The following LPP variants were observed in gnomAD, a reference collection of about 807,000 sequenced individuals.
LPP encodes lipoma-preferred partner.
Under a neutral mutation model 60.4 loss-of-function variants are expected in LPP, and 38 were observed. That is an observed-to-expected ratio of 0.63 (90% CI 0.49 to 0.83). LPP has a LOEUF of 0.83. Among genes scored for constraint, LPP ranks in the 40% least tolerant of loss-of-function variants. The probability of loss-of-function intolerance (pLI) is 0.00; values close to 1 mark genes in which losing one functional copy is unlikely to be tolerated. For missense variants in LPP, 902 were observed against 783.6 expected, an observed-to-expected ratio of 1.15 and a Z score of -1.80; for synonymous variants, 328 against 290.8, an observed-to-expected ratio of 1.13 and a Z score of -1.30.
chr3:188,389,356 G>A (rs976149248), intron 3 of LPP, among the ~76,000 whole-genome samples: 1 of 152,160 alleles, frequency 6.6e-6, no homozygotes, highest in African/African-American at 2.4e-5. Flanking sequence ...CAAGGGCCTG[G>A]GACTTGACTT....
At chr3:188,786,382 C>CAAAAAAAAAAA (rs57565042) in intron 9 of LPP, among the ~76,000 whole-genome samples, 27 of 76,642 alleles carry the variant, frequency 3.5e-4, no homozygotes, top group African/African-American at 1.2e-3. Context: ...GACTCCGTCT[C>CAAAAAAAAAAA]AAAAAAAAAA....
At chr3:188,509,650 C>A (rs1356626142) in intron 5 of LPP, among the ~76,000 whole-genome samples, 2 of 33,166 alleles carry the variant, frequency 6.0e-5, no homozygotes, top group African/African-American at 2.2e-4. Context: ...TCCTTCCTTC[C>A]TTCCTTCCTT....
intron 2 of LPP, among the ~76,000 whole-genome samples, chr3:188,229,001 C>G (rs1292561141): frequency 6.6e-6 from 1 of 152,214 alleles, no homozygotes; most frequent in Non-Finnish European, 1.5e-5. Context: ...GAACATTAGA[C>G]ATGCTCAGCG....
At chr3:188,704,148 A>G (rs1432672037) in intron 7 of LPP, among the ~76,000 whole-genome samples, 1 of 152,162 alleles carries the variant, frequency 6.6e-6, no homozygotes, top group Non-Finnish European at 1.5e-5. Context: ...GAGACAGGTG[A>G]CACCATATTT....
chr3:188,511,340 T>C (rs1815592314), intron 5 of LPP, among the ~76,000 whole-genome samples: 1 of 136,454 alleles, frequency 7.3e-6, no homozygotes, highest in South Asian at 2.8e-4. Context: ...CTCCCTCCCT[T>C]GTCCCTCTTG....
intron 2 of LPP, among the ~76,000 whole-genome samples, chr3:188,267,059 C>T (rs1161490264): frequency 6.6e-6 from 1 of 152,166 alleles, no homozygotes; most frequent in Non-Finnish European, 1.5e-5. Flanking sequence ...AGTCCCTCCT[C>T]CAAGCAGGAA....
rs1294068214 is a variant in LPP, at chr3:188,178,213, G to T, written c.-190+23961G>T. Among the ~76,000 whole-genome samples the T allele has an allele frequency of 4.6e-5, 7 of 152,260 alleles. No homozygotes were observed. The East Asian group carries it at 1.4e-3, about 30-fold the overall frequency. On this transcript the variant is annotated intron_variant, in intron 1 of 11. Transcript: ENST00000617246. ...CAATTTCACAGATGGGGAGAGTGAG[G>T]CAGGTTGGGAATTCTGGCCCCAGTG...
At chr3:188,740,220 G>A (rs1723931436) in intron 8 of LPP, among the ~76,000 whole-genome samples, 1 of 152,032 alleles carries the variant, frequency 6.6e-6, no homozygotes, top group Admixed American at 6.6e-5. Flanking sequence ...TGGTGCTTTT[G>A]CAATAGGGAC....
At chr3:188,800,477 C>T (rs1408159407) in intron 9 of LPP, among the ~76,000 whole-genome samples, 1 of 151,888 alleles carries the variant, frequency 6.6e-6, no homozygotes. Flanking sequence ...CATCTCCTGA[C>T]CTCGTGATCC....
chr3:188,622,814 G>A (rs1846040990), intron 7 of LPP, among the ~76,000 whole-genome samples: 1 of 152,066 alleles, frequency 6.6e-6, no homozygotes, highest in Non-Finnish European at 1.5e-5. Context: ...CAGATCATGA[G>A]GTCAGGAGTT....
Position 188,885,273 on chromosome 3 carries a change from G to A in LPP, c.*10794G>A, listed in dbSNP as rs1221912952. Reference sequence around the variant, plus strand: ...CCTTTAAAATAATCACACCTGATAAGTGTTTTATGCATTTCCCTCCCTGGA... The same window carrying A: ...CCTTTAAAATAATCACACCTGATAAATGTTTTATGCATTTCCCTCCCTGGA... On this transcript the variant is annotated 3_prime_UTR_variant, in exon 12 of 12. Coordinates refer to ENST00000617246, the MANE Select transcript of LPP (RefSeq NM_001375462.1). 2 of 199,604 alleles carry A rather than the reference G, an allele frequency of 1.0e-5. No homozygotes were observed. The highest frequency in any genetic ancestry group is 4.6e-5 in the African/African-American group (2 of 43,430). The allele number at this position is 199,604 out of a possible 1,614,324, so 12.4% of individuals were successfully genotyped here.
chr3:188,692,238 GCCTCAT>G (rs1173426107), intron 7 of LPP, among the ~76,000 whole-genome samples: 7 of 152,172 alleles, frequency 4.6e-5, no homozygotes, highest in Admixed American at 4.6e-4. Flanking sequence ...CTGTCATGCA[GCCTCAT>G]ATATGGGTTG....
intron 4 of LPP, among the ~76,000 whole-genome samples, chr3:188,456,551 A>G (rs1797781791): frequency 6.6e-6 from 1 of 152,176 alleles, no homozygotes; most frequent in Non-Finnish European, 1.5e-5. Flanking sequence ...TTAATTCTGA[A>G]TGGGGTTTGG....
At chr3:188,666,239 T>C (rs1855774696) in intron 7 of LPP, among the ~76,000 whole-genome samples, 1 of 152,258 alleles carries the variant, frequency 6.6e-6, no homozygotes, top group African/African-American at 2.4e-5. Context: ...ATTCTATTTG[T>C]AGTCAAGTGA....
chr3:188,423,560 C>T (rs1227277208), intron 4 of LPP, among the ~76,000 whole-genome samples: 1 of 152,174 alleles, frequency 6.6e-6, no homozygotes, highest in Non-Finnish European at 1.5e-5. Context: ...ACACTCCCAC[C>T]AACAGTGTAA....
chr3:188,267,067 G>A (rs1030222444), intron 2 of LPP, among the ~76,000 whole-genome samples: 1 of 152,142 alleles, frequency 6.6e-6, no homozygotes, highest in African/African-American at 2.4e-5. Flanking sequence ...CTCCAAGCAG[G>A]AAGATCTTTC....
intron 3 of LPP, among the ~76,000 whole-genome samples, chr3:188,395,550 T>C (rs556494161): frequency 6.6e-6 from 1 of 152,288 alleles, no homozygotes; most frequent in East Asian, 1.9e-4. Context: ...TCTTAATAGA[T>C]ATTTAAGATG....
chr3:188,523,562 A>G (rs945461907), intron 5 of LPP, among the ~76,000 whole-genome samples: 9 of 152,206 alleles, frequency 5.9e-5, no homozygotes, highest in East Asian at 1.9e-4. Context: ...CAAGGGTTAT[A>G]AGATTTAGTG....
chr3:188,496,414 A>G (rs1198767883), intron 5 of LPP, among the ~76,000 whole-genome samples: 1 of 152,226 alleles, frequency 6.6e-6, no homozygotes, highest in Admixed American at 6.5e-5. Context: ...GGCGTGAGCC[A>G]CTGCACCCAG....
Sources: gnomAD v4.1 joint callset for allele counts (sites outside exome capture counted in the v4.1 genomes callset) on GRCh38, gnomAD v4.1.1 for gene constraint, MANE v1.5 for transcripts, NCBI Gene and HGNC (gene_info 2026-07-23, HGNC 2026-07-21) for gene names.